Variants in LPP observed in about 807,000 individuals in gnomAD.
LPP encodes LIM domain containing preferred translocation partner in lipoma.
A neutral mutation model predicts 60.4 loss-of-function variants in LPP; 38 were observed. The ratio of observed to expected loss-of-function variants is 0.63; its 90% CI spans 0.49 to 0.83. LPP has a LOEUF of 0.83. LPP is among the 40% of genes least tolerant of loss of function. LPP has a pLI of 0.00. For synonymous variants in LPP, 328 were observed against 290.8 expected (o/e 1.13, Z -1.30); for missense variants, 902 against 783.6 (o/e 1.15, Z -1.80).
intron 9 of LPP, among the ~76,000 whole-genome samples, chr3:188,800,176 T>TTTC (rs914251131): frequency 3.5e-5 from 1 of 28,576 alleles, no homozygotes; most frequent in Non-Finnish European, 5.2e-5. Flanking sequence ...ACATTGTTTC[T>TTTC]TTTTTTTTTT....
At chr3:188,847,981 CTT>C (rs2151821932) in intron 9 of LPP, among the ~76,000 whole-genome samples, 1 of 152,296 alleles carries the variant, frequency 6.6e-6, no homozygotes, top group Non-Finnish European at 1.5e-5. Context: ...ATTAAGGAGA[CTT>C]CCCCTCTCAG....
At chr3:188,755,765 G>A (rs1036095636) in intron 8 of LPP, among the ~76,000 whole-genome samples, 52 of 108,272 alleles carry the variant, frequency 4.8e-4, no homozygotes, top group African/African-American at 1.8e-3. Context: ...AACCATGATC[G>A]CACTACTGCC....
At chr3:188,173,377 G>A (rs1160870031) in intron 1 of LPP, among the ~76,000 whole-genome samples, 1 of 151,992 alleles carries the variant, frequency 6.6e-6, no homozygotes, top group African/African-American at 2.4e-5. Context: ...GGTGGCTCAC[G>A]CCTGTAGTAC....
At chr3:188,382,793 T>C (rs1777245623) in intron 3 of LPP, among the ~76,000 whole-genome samples, 1 of 152,212 alleles carries the variant, frequency 6.6e-6, no homozygotes, top group Non-Finnish European at 1.5e-5. Flanking sequence ...TTCCTGGAAA[T>C]TAGTGGGATG....
At chr3:188,566,342 C>T (rs894262040) in intron 6 of LPP, among the ~76,000 whole-genome samples, 3 of 151,868 alleles carry the variant, frequency 2.0e-5, no homozygotes, top group Admixed American at 1.3e-4. Context: ...TGATTTTATA[C>T]ATAAAATAAT....
Position 188,690,034 on chromosome 3 carries a change from G to A in LPP, c.1114-18233G>A, listed in dbSNP as rs116474535. Among the ~76,000 whole-genome samples the A allele has an allele frequency of 6.8e-3, 1,031 of 152,108 alleles. 15 individuals are homozygous for A. Among genetic ancestry groups the A allele is most frequent in the African/African-American group, 0.024 (986 of 41,468 alleles). On this transcript the variant is annotated intron_variant, in intron 7 of 11. Transcript: ENST00000617246. Reference sequence around the variant, plus strand: ...TCTGTTTCCCTGACTTTATCACAAGGTAACCCAAGATATTGCCAATATTTA... The same window carrying A: ...TCTGTTTCCCTGACTTTATCACAAGATAACCCAAGATATTGCCAATATTTA...
intron 2 of LPP, among the ~76,000 whole-genome samples, chr3:188,287,749 C>T (rs1744457340): frequency 1.3e-5 from 2 of 152,094 alleles, no homozygotes; most frequent in South Asian, 2.1e-4. Context: ...TAATCGTCAC[C>T]TTGAATTTAG....
chr3:188,517,907 C>A (rs1242553818), intron 5 of LPP, among the ~76,000 whole-genome samples: 1 of 152,118 alleles, frequency 6.6e-6, no homozygotes, highest in African/African-American at 2.4e-5. Flanking sequence ...ACTGGTCATA[C>A]AGAGTGAATT....
At chr3:188,608,529 A>G (rs1373802818) in intron 6 of LPP, among the ~76,000 whole-genome samples, 1 of 147,590 alleles carries the variant, frequency 6.8e-6, no homozygotes, top group Non-Finnish European at 1.5e-5. Context: ...TGGTCTGTAT[A>G]TCTTGTTTTT....
intron 5 of LPP, among the ~76,000 whole-genome samples, chr3:188,507,362 T>G (rs554071168): frequency 6.6e-6 from 1 of 152,284 alleles, no homozygotes; most frequent in East Asian, 1.9e-4. Context: ...AATCAAGCTT[T>G]TCTATTTTTA....
intron 4 of LPP, among the ~76,000 whole-genome samples, chr3:188,470,281 TACACACACACACAC>T (rs59656753): frequency 2.4e-4 from 30 of 126,706 alleles, no homozygotes; most frequent in Non-Finnish European, 3.7e-4. Context: ...CTCTCTCTCA[TACACACACACACAC>T]ACACACACAC....
At chr3:188,389,814 A>G (rs1319558712) in intron 3 of LPP, among the ~76,000 whole-genome samples, 1 of 151,350 alleles carries the variant, frequency 6.6e-6, no homozygotes, top group Non-Finnish European at 1.5e-5. Context: ...GTCTCAAAAA[A>G]AAAAAGAAAA....
At chr3:188,804,277 A>ATATG (rs1748369113) in intron 9 of LPP, among the ~76,000 whole-genome samples, 1 of 126,140 alleles carries the variant, frequency 7.9e-6, no homozygotes, top group Admixed American at 8.7e-5. Flanking sequence ...ATATATATAT[A>ATATG]TATATAAAAT....
chr3:188,319,300 C>T (rs1337355413), intron 2 of LPP, among the ~76,000 whole-genome samples: 1 of 152,180 alleles, frequency 6.6e-6, no homozygotes, highest in Non-Finnish European at 1.5e-5. Flanking sequence ...TATATAATGC[C>T]TGTCCAAATA....
chr3:188,624,917 C>T (rs9823755), intron 7 of LPP, among the ~76,000 whole-genome samples: 40,309 of 151,418 alleles, frequency 0.27, 6,293 homozygotes, highest in East Asian at 0.77. Flanking sequence ...TTCTTTCCTC[C>T]CTTCCTTCCT....
intron 4 of LPP, among the ~76,000 whole-genome samples, chr3:188,407,307 CTCT>C (rs1363876740): frequency 6.6e-6 from 1 of 152,180 alleles, no homozygotes; most frequent in African/African-American, 2.4e-5. Flanking sequence ...TCCAGTCCTC[CTCT>C]TTTCTTTCCT....
chr3:188,698,005 C>A (rs78160496), intron 7 of LPP, among the ~76,000 whole-genome samples: 6,149 of 152,202 alleles, frequency 0.04, 179 homozygotes, highest in South Asian at 0.11. Flanking sequence ...CCGTGGCAAC[C>A]GAAACTCTGT....
chr3:188,773,958 G>T (rs1297627824), intron 9 of LPP, among the ~76,000 whole-genome samples: 1 of 152,078 alleles, frequency 6.6e-6, no homozygotes, highest in East Asian at 1.9e-4. Context: ...GTACCTCATA[G>T]TCATTCATTT....
chr3:188,370,328 G>A (rs1396441790), intron 3 of LPP, among the ~76,000 whole-genome samples: 6 of 152,072 alleles, frequency 3.9e-5, no homozygotes, highest in Non-Finnish European at 7.4e-5. Flanking sequence ...AGGCTGCACC[G>A]CCTACAAGTG....
Sources: gnomAD v4.1 joint callset for allele counts (sites outside exome capture counted in the v4.1 genomes callset) on GRCh38, gnomAD v4.1.1 for gene constraint, MANE v1.5 for transcripts, NCBI Gene and HGNC (gene_info 2026-07-23, HGNC 2026-07-21) for gene names.